The following ARSB variants were observed in gnomAD, a reference collection of about 807,000 sequenced individuals.
ARSB encodes arylsulfatase B.
In ARSB, 41 loss-of-function variants were observed where a neutral mutation model predicts 50.9. The observed-to-expected ratio is 0.81, with a 90% CI of 0.63 to 1.04. The LOEUF (loss-of-function observed/expected upper bound fraction) is 1.04, where lower values mean the gene tolerates loss of function less well. Ranked by LOEUF, ARSB falls within the 50% of genes least tolerant of loss-of-function variation. ARSB has a pLI of 0.00. For synonymous variants in ARSB, 269 were observed against 284.8 expected (o/e 0.94, Z 0.56); for missense variants, 672 against 693.3 (o/e 0.97, Z 0.35).
intron 1 of ARSB, among the ~76,000 whole-genome samples, chr5:78,980,221 T>C (rs117872520): frequency 6.6e-6 from 1 of 152,232 alleles, no homozygotes; most frequent in Non-Finnish European, 1.5e-5. Context: ...TGGTAAATTA[T>C]ATAGGATGTG....
intron 6 of ARSB, among the ~76,000 whole-genome samples, chr5:78,790,546 T>G (rs1749208961): frequency 6.6e-6 from 1 of 152,212 alleles, no homozygotes; most frequent in African/African-American, 2.4e-5. Context: ...GTTATATTGT[T>G]AAGACAATTG....
intron 5 of ARSB, among the ~76,000 whole-genome samples, chr5:78,857,888 G>C (rs938858895): frequency 2.6e-5 from 4 of 152,208 alleles, no homozygotes; most frequent in African/African-American, 4.8e-5. Flanking sequence ...GGCTAGGCTA[G>C]TTTGGATAAC....
chr5:78,837,046 G>A (rs571707768), intron 6 of ARSB, among the ~76,000 whole-genome samples: 29 of 152,184 alleles, frequency 1.9e-4, no homozygotes, highest in South Asian at 1.2e-3. Context: ...ACCTCCCGCC[G>A]GGCCCCTCCT....
chr5:78,953,870 TAC>T (rs1318552602), intron 4 of ARSB, among the ~76,000 whole-genome samples: 1 of 152,110 alleles, frequency 6.6e-6, no homozygotes, highest in Non-Finnish European at 1.5e-5. Flanking sequence ...TACATATATA[TAC>T]ACACACACAT....
At chr5:78,836,753 C>T (rs571752742) in intron 6 of ARSB, among the ~76,000 whole-genome samples, 3 of 152,196 alleles carry the variant, frequency 2.0e-5, no homozygotes, top group Admixed American at 6.5e-5. Flanking sequence ...TGTATTCGTC[C>T]GTCCTTGCAT....
At chr5:78,785,880 T>C (rs1293244459) in intron 6 of ARSB, among the ~76,000 whole-genome samples, 1 of 152,246 alleles carries the variant, frequency 6.6e-6, no homozygotes, top group Non-Finnish European at 1.5e-5. Flanking sequence ...TTCTTGATTA[T>C]GGTCAGAGGG....
chr5:78,821,293 G>A (rs181719243), intron 6 of ARSB, among the ~76,000 whole-genome samples: 221 of 152,118 alleles, frequency 1.5e-3, no homozygotes, highest in African/African-American at 5.0e-3. Flanking sequence ...CCACCAGCAC[G>A]CCCAGCTAAT....
chr5:78,967,245 CA>C (rs1354904788), intron 2 of ARSB, among the ~76,000 whole-genome samples: 1 of 152,180 alleles, frequency 6.6e-6, no homozygotes, highest in African/African-American at 2.4e-5. Context: ...CTCCTTCTCC[CA>C]AAGGAGAAAT....
intron 5 of ARSB, among the ~76,000 whole-genome samples, chr5:78,881,957 G>T (rs1036238826): frequency 6.6e-6 from 1 of 152,234 alleles, no homozygotes; most frequent in African/African-American, 2.4e-5. Flanking sequence ...GTTTAACAAA[G>T]TATGGACAGC....
intron 2 of ARSB, among the ~76,000 whole-genome samples, chr5:78,967,518 T>C (rs1051049583): frequency 6.6e-6 from 1 of 151,390 alleles, no homozygotes; most frequent in African/African-American, 2.4e-5. Flanking sequence ...ACTAAAAATA[T>C]AAAAATTAGC....
chr5:78,891,411 AT>A (rs1748284956), intron 4 of ARSB, among the ~76,000 whole-genome samples: 1 of 152,216 alleles, frequency 6.6e-6, no homozygotes, highest in South Asian at 2.1e-4. Flanking sequence ...GATTGGGAGC[AT>A]TTCAAGAAGC....
rs1373182851 is a variant in ARSB at position 78,871,167 on chromosome 5, G to T, written c.1142+14417C>A. On this transcript the variant is annotated intron_variant, in intron 5 of 7. Transcript: ENST00000264914. The stretch of plus-strand genomic sequence containing the variant: ...ACCACTGCTCAAGGAAATAAAAGAG[G>T]ATACAAACAAATGGAAGAACATTCC... Among the ~76,000 whole-genome samples the T allele has an allele frequency of 1.8e-3, 269 of 150,376 alleles. 1 individual carries two copies. The highest frequency in any genetic ancestry group is 6.2e-3 in the African/African-American group (255 of 40,860).
intron 3 of ARSB, among the ~76,000 whole-genome samples, chr5:78,956,743 T>C (rs1331047905): frequency 6.6e-6 from 1 of 152,174 alleles, no homozygotes; most frequent in African/African-American, 2.4e-5. Context: ...ACAGCAATTT[T>C]ACAGATGAGT....
chr5:78,793,226 C>T (rs760856887), intron 6 of ARSB, among the ~76,000 whole-genome samples: 1 of 152,158 alleles, frequency 6.6e-6, no homozygotes, highest in Non-Finnish European at 1.5e-5. Flanking sequence ...CACCAGGTAG[C>T]CCATGTCATG....
At chr5:78,911,746 G>C (rs1187220972) in intron 4 of ARSB, among the ~76,000 whole-genome samples, 1 of 152,098 alleles carries the variant, frequency 6.6e-6, no homozygotes, top group Non-Finnish European at 1.5e-5. Context: ...AGAGACGAGA[G>C]ACACAGCTTT....
At chr5:78,942,617 T>G (rs1750994030) in intron 4 of ARSB, among the ~76,000 whole-genome samples, 1 of 152,226 alleles carries the variant, frequency 6.6e-6, no homozygotes, top group South Asian at 2.1e-4. Context: ...TAATCCTGAG[T>G]TCTAGTTTGA....
At chr5:78,885,964 T>A in intron 4 of ARSB, 137 bp from the exon 5 acceptor site, 3 of 1,389,572 alleles carry the variant, frequency 2.2e-6, no homozygotes, top group Non-Finnish European at 3.0e-6. Context: ...TTTCCCACCC[T>A]AAATTCCCTT....
intron 5 of ARSB, among the ~76,000 whole-genome samples, chr5:78,849,658 G>T (rs1201066791): frequency 6.7e-6 from 1 of 150,232 alleles, no homozygotes; most frequent in Admixed American, 6.7e-5. Context: ...GGGCAGTATG[G>T]CCATTTTCAC....
intron 3 of ARSB, among the ~76,000 whole-genome samples, chr5:78,958,681 T>TCTTAGATTATAGAGTAACTCTCTTC (rs1457903943): frequency 4.5e-4 from 68 of 152,320 alleles, no homozygotes; most frequent in Middle Eastern, 6.8e-3. Flanking sequence ...AACTTCTGTT[T>TCTTAGATTATAGAGTAACTCTCTTC]CTTAGATTAT....
Sources: allele counts gnomAD v4.1 joint callset (sites outside exome capture counted in the v4.1 genomes callset), GRCh38; gene constraint gnomAD v4.1.1; transcripts MANE v1.5; gene names NCBI Gene and HGNC (gene_info 2026-07-23, HGNC 2026-07-21).